The following PRELID2 variants were observed in gnomAD, a reference collection of about 807,000 sequenced individuals.
The protein encoded by PRELID2 is PRELI domain containing 2, also known as PRELI domain-containing protein 2.
A neutral mutation model predicts 28.4 loss-of-function variants in PRELID2; 25 were observed. The ratio of observed to expected loss-of-function variants is 0.88; its 90% CI spans 0.64 to 1.23. The LOEUF is 1.23. Among genes scored for constraint, PRELID2 ranks in the 50% most tolerant of loss-of-function variants. The pLI is 0.00. For missense variants in PRELID2, 201 were observed against 214.4 expected, an observed-to-expected ratio of 0.94 and a Z score of 0.39; for synonymous variants, 76 against 71.6, an observed-to-expected ratio of 1.06 and a Z score of -0.31.
At chr5:145,648,071 A>G (rs1458600525) in intron 1 of PRELID2, among the ~76,000 whole-genome samples, 2 of 152,340 alleles carry the variant, frequency 1.3e-5, no homozygotes, top group Admixed American at 1.3e-4. Context: ...TTGGTAAGGA[A>G]TGAGTATAAT....
intron 1 of PRELID2, among the ~76,000 whole-genome samples, chr5:145,701,391 CATT>C (rs1755403898): frequency 6.6e-6 from 1 of 152,106 alleles, no homozygotes; most frequent in South Asian, 2.1e-4. Flanking sequence ...TTTTAGACAA[CATT>C]ATAAAATCTA....
chr5:145,673,524 T>C (rs1754752644), intron 1 of PRELID2, among the ~76,000 whole-genome samples: 1 of 152,024 alleles, frequency 6.6e-6, no homozygotes, highest in South Asian at 2.1e-4. Context: ...AATAAACCCA[T>C]AGTGAAACAT....
intron 1 of PRELID2, among the ~76,000 whole-genome samples, chr5:145,701,796 A>G (rs1277372066): frequency 6.6e-6 from 1 of 152,228 alleles, no homozygotes; most frequent in Non-Finnish European, 1.5e-5. Context: ...TCACCCCTGT[A>G]ATCCCAGCAC....
At chr5:145,337,730 T>TACAC in the PRELID2 span, among the ~76,000 whole-genome samples, 2 of 20,630 alleles carry the variant, frequency 9.7e-5, no homozygotes, top group Non-Finnish European at 8.8e-5. Context: ...TATATATATA[T>TACAC]ACTCACACAC....
chr5:145,454,166 G>A, the PRELID2 span, among the ~76,000 whole-genome samples: 280 of 152,258 alleles, frequency 1.8e-3, 1 homozygote, highest in African/African-American at 6.4e-3. Flanking sequence ...TCTAACTGGT[G>A]TGAGATGGCA....
chr5:145,744,408 C>T lies in PRELID2; in HGVS notation n.70+20523G>A, dbSNP rs143183157. On this transcript the variant is annotated intron_variant and non_coding_transcript_variant, in intron 1 of 2. Coordinates refer to the PRELID2 transcript ENST00000510259. ...GTGCCACTCAACTGGGTGAGACCCT[C>T]CAACAGGGGTTGTGAGACACCCTGT... 2.5e-3 allele frequency among the ~76,000 whole-genome samples: 385 copies of T among 152,288 alleles called. 1 individual carries two copies. Among genetic ancestry groups the T allele is most frequent in the Non-Finnish European group, 4.0e-3 (274 of 68,008 alleles).
chr5:145,625,934 A>C (rs1753838976), intron 1 of PRELID2, among the ~76,000 whole-genome samples: 1 of 152,192 alleles, frequency 6.6e-6, no homozygotes, highest in Non-Finnish European at 1.5e-5. Context: ...CTGGGGAAAG[A>C]ATACCCTATT....
intron 1 of PRELID2, among the ~76,000 whole-genome samples, chr5:145,662,312 A>G (rs1425307758): frequency 6.6e-6 from 1 of 152,148 alleles, no homozygotes; most frequent in Non-Finnish European, 1.5e-5. Flanking sequence ...TAAGAGAAAA[A>G]CTGTCTCCCA....
At chr5:145,825,866 T>C (rs1011130248) in intron 1 of PRELID2, 4 of 206,570 alleles carry the variant, frequency 1.9e-5, no homozygotes, top group Non-Finnish European at 3.4e-5. Context: ...CTGGCATTAC[T>C]TGAAATGATC....
At chr5:145,414,272 C>T in the PRELID2 span, among the ~76,000 whole-genome samples, 1 of 152,116 alleles carries the variant, frequency 6.6e-6, no homozygotes, top group African/African-American at 2.4e-5. Flanking sequence ...AACTACTTGG[C>T]AGATGTGTCC....
chr5:145,824,669 A>G (rs1755061776), intron 1 of PRELID2, among the ~76,000 whole-genome samples: 1 of 152,092 alleles, frequency 6.6e-6, no homozygotes, highest in Non-Finnish European at 1.5e-5. Flanking sequence ...TTTTCTGGAT[A>G]AATAAAAAAT....
the PRELID2 span, among the ~76,000 whole-genome samples, chr5:145,293,853 A>G: frequency 6.6e-6 from 1 of 152,176 alleles, no homozygotes; most frequent in South Asian, 2.1e-4. Context: ...AGACATAGCC[A>G]TATCAGGAAT....
chr5:145,338,001 A>G, the PRELID2 span: 1 of 152,170 alleles, frequency 6.6e-6, no homozygotes, highest in Non-Finnish European at 1.5e-5. Flanking sequence ...GGAGGGAAAT[A>G]AAATGTGATT....
the PRELID2 span, among the ~76,000 whole-genome samples, chr5:145,359,736 C>T: frequency 6.6e-6 from 1 of 152,136 alleles, no homozygotes; most frequent in Admixed American, 6.6e-5. Flanking sequence ...GAGGTTATTA[C>T]ATGAAATAGT....
the PRELID2 span, among the ~76,000 whole-genome samples, chr5:145,290,115 G>A: frequency 2.2e-3 from 332 of 152,292 alleles, 2 homozygotes; most frequent in African/African-American, 7.7e-3. Context: ...TGCTGGAGAG[G>A]ATGTGGAGAA....
In PRELID2 at chr5:145,757,436, C is replaced by G. The variant is rs192051978; in HGVS notation, c.*3100G>C. 6.6e-6 allele frequency among the ~76,000 whole-genome samples: 1 copy of G among 152,238 alleles called. No individual in the cohort carries two copies. The highest frequency in any genetic ancestry group is 2.4e-5 in the African/African-American group (1 of 41,548). On this transcript the variant is annotated 3_prime_UTR_variant, in exon 7 of 7. Transcript: ENST00000683046. ...CGTTAGCACGTTGCCCCAAAGATTT[C>G]TGGTACATGTGAAGTCTGAGAATCA...
chr5:145,609,033 C>T (rs1365356560), intron 1 of PRELID2, among the ~76,000 whole-genome samples: 1 of 152,146 alleles, frequency 6.6e-6, no homozygotes, highest in East Asian at 1.9e-4. Context: ...AGATTCTCTC[C>T]TCAGCTTGGT....
chr5:145,808,298 T>C (rs1392997182), intron 4 of PRELID2, among the ~76,000 whole-genome samples: 3 of 151,954 alleles, frequency 2.0e-5, no homozygotes, highest in Non-Finnish European at 4.4e-5. Flanking sequence ...AAAATGCCAG[T>C]GCCAATCTTA....
In PRELID2 at chr5:145,825,908, T is replaced by C. The variant is rs371645240; in HGVS notation, c.76-2774A>G. ...CATCTTGTGGTAACCTGAATATTCA[T>C]GTTTTAATTCATGAAAATTTACCAA... On this transcript the variant is annotated intron_variant, in intron 1 of 6. Coordinates refer to ENST00000683046, the MANE Select transcript of PRELID2 (RefSeq NM_205846.3). 7.2e-6 allele frequency: 3 copies of C among 418,848 alleles called. No individual in the cohort carries two copies. In the South Asian group the frequency reaches 2.9e-4, roughly 41 times the overall value. The allele number at this position is 418,848 out of a possible 1,614,324, so 25.9% of individuals were successfully genotyped here.
Sources: allele counts gnomAD v4.1 joint callset (sites outside exome capture counted in the v4.1 genomes callset), GRCh38; gene constraint gnomAD v4.1.1; transcripts MANE v1.5; gene names NCBI Gene and HGNC (gene_info 2026-07-23, HGNC 2026-07-21).